Variants in TEX9 observed in about 807,000 individuals in gnomAD.
TEX9 encodes testis expressed 9.
A neutral mutation model predicts 59.6 loss-of-function variants in TEX9; 74 were observed. The observed-to-expected ratio is 1.24, with a 90% CI of 1.03 to 1.51. TEX9 has a LOEUF of 1.51. TEX9 is among the 40% of genes most tolerant of loss of function. The probability of loss-of-function intolerance (pLI) is 0.00; values close to 1 mark genes in which losing one functional copy is unlikely to be tolerated. For synonymous variants in TEX9, 186 were observed against 152.2 expected, an observed-to-expected ratio of 1.22 and a Z score of -1.64; for missense variants, 522 against 447.8, an observed-to-expected ratio of 1.17 and a Z score of -1.49.
At chr15:56,372,996 G>A in intron 2 of TEX9, among the ~76,000 whole-genome samples, 1 of 152,088 alleles carries the variant, frequency 6.6e-6, no homozygotes, top group East Asian at 1.9e-4. Flanking sequence ...TAGCTCCCCA[G>A]TTATAGCAAT....
chr15:56,349,767 G>C (rs1332119264), intron 1 of TEX9, among the ~76,000 whole-genome samples: 1 of 151,670 alleles, frequency 6.6e-6, no homozygotes, highest in Admixed American at 6.6e-5. Context: ...ATATACACAC[G>C]TGTATATACT....
intron 9 of TEX9, among the ~76,000 whole-genome samples, chr15:56,404,945 A>T (rs1335951085): frequency 6.6e-6 from 1 of 152,132 alleles, no homozygotes; most frequent in Non-Finnish European, 1.5e-5. Flanking sequence ...GACCACTTGG[A>T]CACAGGGCGG....
intron 1 of TEX9, among the ~76,000 whole-genome samples, chr15:56,291,477 G>A (rs180947258): frequency 1.3e-5 from 2 of 152,232 alleles, no homozygotes; most frequent in East Asian, 1.9e-4. Context: ...ACAGCATGAT[G>A]TTTTGATATA....
chr15:56,403,740 G>C (rs2048922820), intron 9 of TEX9, among the ~76,000 whole-genome samples: 1 of 152,136 alleles, frequency 6.6e-6, no homozygotes. Flanking sequence ...TATACTACAA[G>C]GCTACAGTAA....
intron 1 of TEX9, among the ~76,000 whole-genome samples, chr15:56,347,710 G>A (rs2046498697): frequency 6.6e-6 from 1 of 152,012 alleles, no homozygotes; most frequent in Non-Finnish European, 1.5e-5. Context: ...CAGGCAAAGA[G>A]TTCTTAGATT....
chr15:56,303,949 A>G (rs1775231662), intron 1 of TEX9, among the ~76,000 whole-genome samples: 1 of 152,218 alleles, frequency 6.6e-6, no homozygotes, highest in Admixed American at 6.5e-5. Flanking sequence ...TGAACCATGA[A>G]GAAATCCAAA....
intron 1 of TEX9, among the ~76,000 whole-genome samples, chr15:56,325,985 A>G (rs1197876280): frequency 2.0e-5 from 3 of 152,200 alleles, no homozygotes; most frequent in African/African-American, 7.2e-5. Flanking sequence ...TTAACACTCC[A>G]GGTATCATTG....
rs3050136 is a variant in TEX9, at chr15:56,252,379, C to CTTTTTTTTTTT, written c.-107+8107_-107+8117dup. On this transcript the variant is annotated intron_variant, in intron 1 of 5. Transcript: ENST00000560827. ...TGTTGAATTGAGCTATTAGAAAAAC[C>CTTTTTTTTTTT]TTTTTTTTTTTTTTTTGTCCAGGCC... Among the ~76,000 whole-genome samples the CTTTTTTTTTTT allele has an allele frequency of 1.3e-4, 16 of 119,708 alleles. 1 individual carries two copies. Among genetic ancestry groups the CTTTTTTTTTTT allele is most frequent in the South Asian group, 2.8e-4 (1 of 3,620 alleles). 78.5% of individuals were successfully genotyped at this position (119,708 alleles called of 152,430 possible).
intron 1 of TEX9, among the ~76,000 whole-genome samples, chr15:56,284,176 A>G (rs962469278): frequency 6.6e-6 from 1 of 151,962 alleles, no homozygotes; most frequent in African/African-American, 2.4e-5. Context: ...TTCTTTTTCT[A>G]AAGAGAGTCA....
intron 10 of TEX9, among the ~76,000 whole-genome samples, chr15:56,422,490 G>T (rs2050030369): frequency 1.3e-5 from 2 of 151,228 alleles, no homozygotes; most frequent in African/African-American, 4.9e-5. Flanking sequence ...ATGCATTTCA[G>T]CATTTGTTAT....
intron 12 of TEX9, among the ~76,000 whole-genome samples, chr15:56,442,887 A>G (rs1303145735): frequency 4.6e-5 from 7 of 152,012 alleles, no homozygotes; most frequent in Non-Finnish European, 4.4e-5. Context: ...CTGAACCTAA[A>G]GTAAAAGTTG....
At chr15:56,249,742 CAAAAAAAAAAAAA>C (rs11440856) in intron 1 of TEX9, among the ~76,000 whole-genome samples, 3 of 25,456 alleles carry the variant, frequency 1.2e-4, no homozygotes, top group Non-Finnish European at 2.3e-4. Context: ...GGATCTGTCT[CAAAAAAAAAAAAA>C]AAAAAAAAAA....
intron 3 of TEX9, among the ~76,000 whole-genome samples, chr15:56,381,462 A>G (rs1339570222): frequency 2.0e-5 from 3 of 152,094 alleles, no homozygotes; most frequent in African/African-American, 7.2e-5. Context: ...ATACTTGTAG[A>G]TGTTTGTCAC....
chr15:56,294,572 T>C (rs144748041), intron 1 of TEX9, among the ~76,000 whole-genome samples: 1 of 152,336 alleles, frequency 6.6e-6, no homozygotes, highest in East Asian at 1.9e-4. Flanking sequence ...TTAACAGAAA[T>C]AATATGGCAT....
chr15:56,443,969 CAACA>C, intron 12 of TEX9: 1 of 820,366 alleles, frequency 1.2e-6, no homozygotes, highest in Non-Finnish European at 1.8e-6. Flanking sequence ...TTCGTGCATG[CAACA>C]AACATTTTGA....
chr15:56,351,713 C>T (rs1168667382), intron 1 of TEX9, among the ~76,000 whole-genome samples: 2 of 152,100 alleles, frequency 1.3e-5, no homozygotes, highest in Non-Finnish European at 2.9e-5. Flanking sequence ...TAATATTGAA[C>T]TAAAAAAATT....
chr15:56,422,967 T>C (rs2050053553), intron 10 of TEX9, among the ~76,000 whole-genome samples: 1 of 152,222 alleles, frequency 6.6e-6, no homozygotes, highest in South Asian at 2.1e-4. Flanking sequence ...ATCAAAGTTG[T>C]AGCATGTGTC....
chr15:56,415,276 T>A (rs1303598173), intron 10 of TEX9, among the ~76,000 whole-genome samples: 2 of 151,972 alleles, frequency 1.3e-5, no homozygotes, highest in Admixed American at 1.3e-4. Flanking sequence ...TTTGTTGCAG[T>A]TGCTTTTTCT....
chr15:56,309,703 T>TTTTTTG (rs2045564258), intron 1 of TEX9, among the ~76,000 whole-genome samples: 1 of 129,494 alleles, frequency 7.7e-6, no homozygotes, highest in East Asian at 2.1e-4. Flanking sequence ...GTTTTTTTTT[T>TTTTTTG]TTTTTTTTTT....
Sources: allele counts gnomAD v4.1 joint callset (sites outside exome capture counted in the v4.1 genomes callset), GRCh38; gene constraint gnomAD v4.1.1; transcripts MANE v1.5; gene names NCBI Gene and HGNC (gene_info 2026-07-23, HGNC 2026-07-21).